The following TTC6 variants were observed in gnomAD, a reference collection of about 807,000 sequenced individuals.
TTC6 encodes the protein tetratricopeptide repeat domain 6, also known as tetratricopeptide repeat protein 6.
A neutral mutation model predicts 210.4 loss-of-function variants in TTC6; 172 were observed. The observed-to-expected ratio is 0.82, with a 90% CI of 0.72 to 0.93. The LOEUF is 0.93. TTC6 is among the 40% of genes least tolerant of loss of function. The probability of loss-of-function intolerance (pLI) is 0.00; values close to 1 mark genes in which losing one functional copy is unlikely to be tolerated. For missense variants in TTC6, 2,414 were observed against 2,318.1 expected (o/e 1.04, Z -0.85); for synonymous variants, 804 against 819.6 (o/e 0.98, Z 0.32).
chr14:37,801,166 A>G lies in TTC6; in HGVS notation c.4030-3514A>G, dbSNP rs866157598. Among the ~76,000 whole-genome samples, 12 of 152,182 alleles carry G rather than the reference A, an allele frequency of 7.9e-5. No individual in the cohort carries two copies. The South Asian group carries it at 1.5e-3, about 18-fold the overall frequency. The stretch of plus-strand genomic sequence containing the variant: ...CCATTGTATGTTGGGTGTTTTGGGG[A>G]CAGATAACTTGTCTCTTTAATTTCA... On this transcript the variant is annotated intron_variant, in intron 20 of 30. Transcript: ENST00000553443.
At chr14:37,638,620 A>T (rs1595046646) in intron 1 of TTC6, among the ~76,000 whole-genome samples, 1 of 134,846 alleles carries the variant, frequency 7.4e-6, no homozygotes, top group Non-Finnish European at 1.6e-5. Flanking sequence ...GCTGGGAGTT[A>T]AGGGTGGGGG....
chr14:37,628,213 T>C (rs2139326638), intron 1 of TTC6, among the ~76,000 whole-genome samples: 1 of 152,326 alleles, frequency 6.6e-6, no homozygotes, highest in Non-Finnish European at 1.5e-5. Flanking sequence ...ACTCAGGTGA[T>C]CCGCCCACCT....
intron 3 of TTC6, among the ~76,000 whole-genome samples, chr14:37,695,289 G>T (rs1265365160): frequency 6.6e-6 from 1 of 152,018 alleles, no homozygotes; most frequent in African/African-American, 2.4e-5. Context: ...GGGTACAAAA[G>T]ATAGAATTAA....
At chr14:37,793,523 C>T (rs748093443) in intron 17 of TTC6, among the ~76,000 whole-genome samples, 1 of 152,172 alleles carries the variant, frequency 6.6e-6, no homozygotes, top group Admixed American at 6.5e-5. Context: ...CCTTACTCTG[C>T]TGACAATGGA....
At chr14:37,632,836 A>G (rs2095672553) in intron 1 of TTC6, among the ~76,000 whole-genome samples, 1 of 152,178 alleles carries the variant, frequency 6.6e-6, no homozygotes, top group African/African-American at 2.4e-5. Context: ...GAATCTAGAG[A>G]GGCAGTCTGG....
intron 29 of TTC6, among the ~76,000 whole-genome samples, chr14:37,838,695 A>T (rs2096203359): frequency 6.6e-6 from 1 of 152,132 alleles, no homozygotes; most frequent in African/African-American, 2.4e-5. Context: ...TTTTTTAAAA[A>T]GTATACTTTA....
intron 25 of TTC6, among the ~76,000 whole-genome samples, chr14:37,815,840 A>C (rs1383831914): frequency 1.3e-5 from 2 of 152,148 alleles, no homozygotes; most frequent in Non-Finnish European, 2.9e-5. Flanking sequence ...GTCATCTTTT[A>C]TGTCTATTGT....
upstream of TTC6, among the ~76,000 whole-genome samples, chr14:37,619,868 A>G (rs2095648544): frequency 6.6e-6 from 1 of 151,802 alleles, no homozygotes; most frequent in South Asian, 2.1e-4. Context: ...TCAAAATATC[A>G]TTTTCAGAGT....
intron 1 of TTC6, among the ~76,000 whole-genome samples, chr14:37,646,527 T>C (rs900563403): frequency 6.6e-6 from 1 of 152,114 alleles, no homozygotes; most frequent in Admixed American, 6.6e-5. Flanking sequence ...AATTTCAGGG[T>C]AAAACAAAAA....
At chr14:37,625,263 A>G (rs1004501092) in intron 1 of TTC6, among the ~76,000 whole-genome samples, 1 of 151,982 alleles carries the variant, frequency 6.6e-6, no homozygotes, top group Non-Finnish European at 1.5e-5. Flanking sequence ...GAATGCAAGT[A>G]TAGGCCGGGC....
chr14:37,668,779 A>G (rs1595082894), intron 1 of TTC6, among the ~76,000 whole-genome samples: 1 of 152,332 alleles, frequency 6.6e-6, no homozygotes, highest in East Asian at 1.9e-4. Context: ...CCACACCAGC[A>G]ATCCACTGAA....
chr14:37,718,651 G>A (rs1396095358), intron 6 of TTC6, among the ~76,000 whole-genome samples: 1 of 152,184 alleles, frequency 6.6e-6, no homozygotes, highest in Non-Finnish European at 1.5e-5. Context: ...GAATCAGCCG[G>A]GTGCAGTGGC....
chr14:37,717,286 A>G (rs1022086552), intron 6 of TTC6, among the ~76,000 whole-genome samples: 2 of 152,096 alleles, frequency 1.3e-5, no homozygotes, highest in African/African-American at 4.8e-5. Flanking sequence ...GTCATTTGAA[A>G]AGATCATTGA....
intron 1 of TTC6, among the ~76,000 whole-genome samples, chr14:37,638,880 G>A (rs2095686112): frequency 6.6e-6 from 1 of 152,108 alleles, no homozygotes; most frequent in Non-Finnish European, 1.5e-5. Context: ...GTTTTTATAA[G>A]AAGATACATA....
intron 5 of TTC6, among the ~76,000 whole-genome samples, chr14:37,712,733 C>G (rs1490108065): frequency 6.6e-6 from 1 of 152,118 alleles, no homozygotes; most frequent in Non-Finnish European, 1.5e-5. Context: ...ACGAGAACAG[C>G]ACTATGGGGT....
chr14:37,600,892 T>G (rs1391011351), intron 1 of TTC6, among the ~76,000 whole-genome samples: 1 of 152,196 alleles, frequency 6.6e-6, no homozygotes, highest in African/African-American at 2.4e-5. Flanking sequence ...TTGCATAAAG[T>G]TTTTTGATTT....
At chr14:37,772,789 T>G (rs998358812) in intron 14 of TTC6, among the ~76,000 whole-genome samples, 10 of 152,316 alleles carry the variant, frequency 6.6e-5, no homozygotes, top group African/African-American at 2.4e-4. Flanking sequence ...CTGGGAGCTG[T>G]AGACCGGAGC....
intron 20 of TTC6, among the ~76,000 whole-genome samples, chr14:37,802,950 C>G (rs547202324): frequency 8.0e-4 from 122 of 152,202 alleles, no homozygotes; most frequent in African/African-American, 2.8e-3. Context: ...CCAGGCTGGT[C>G]TTGAACTCCT....
intron 1 of TTC6, among the ~76,000 whole-genome samples, chr14:37,660,551 A>G (rs921211325): frequency 6.6e-6 from 1 of 152,154 alleles, no homozygotes; most frequent in African/African-American, 2.4e-5. Flanking sequence ...GTAGTATTCC[A>G]TGGTGTATAT....
Sources: allele counts gnomAD v4.1 joint callset (sites outside exome capture counted in the v4.1 genomes callset), GRCh38; gene constraint gnomAD v4.1.1; transcripts MANE v1.5; gene names NCBI Gene and HGNC (gene_info 2026-07-23, HGNC 2026-07-21).